The following CACNA2D3 variants were observed in gnomAD, a reference collection of about 807,000 sequenced individuals.
The protein encoded by CACNA2D3 is calcium voltage-gated channel auxiliary subunit alpha2delta 3, also known as voltage-dependent calcium channel subunit alpha-2/delta-3.
Under a neutral mutation model 160.6 loss-of-function variants are expected in CACNA2D3, and 60 were observed. The ratio of observed to expected loss-of-function variants is 0.37; its 90% CI spans 0.30 to 0.46. The LOEUF (loss-of-function observed/expected upper bound fraction) is 0.46. CACNA2D3 is among the 20% of genes least tolerant of loss of function. The pLI, the probability that CACNA2D3 is intolerant of heterozygous loss-of-function variation, is 1.00. For missense variants in CACNA2D3, 1,205 were observed against 1,365.0 expected (o/e 0.88, Z 1.85); for synonymous variants, 558 against 492.9 (o/e 1.13, Z -1.75).
Position 54,626,964 on chromosome 3 carries a change from C to G in CACNA2D3, c.964-823C>G, listed in dbSNP as rs569641692. On this transcript the variant is annotated intron_variant, in intron 9 of 37. Transcript: ENST00000474759. ...TAGCTAATGCTGAGCTTCTGCAGAG[C>G]CAGAAGGGTCTTAGGGCCTACTCTG... Among the ~76,000 whole-genome samples, 3 of 152,308 alleles carry G rather than the reference C, an allele frequency of 2.0e-5. No individual in the cohort carries two copies. In the East Asian group the frequency reaches 5.8e-4, roughly 29 times the overall value.
rs1285106242 is a variant in CACNA2D3 at position 54,518,668 on chromosome 3, G to A, written c.544+15014G>A. 2.0e-5 allele frequency among the ~76,000 whole-genome samples: 3 copies of A among 152,164 alleles called. No homozygotes were observed. In the East Asian group the frequency reaches 5.8e-4, roughly 29 times the overall value. ...TAGAGTTTTGGGTTTCTTTTCCTCT[G>A]TAGCTCATTCTAAGGAGTTCGATGA... is the stretch of plus-strand genomic sequence containing the variant. On this transcript the variant is annotated intron_variant, in intron 5 of 37. Coordinates refer to ENST00000474759, the MANE Select transcript of CACNA2D3 (RefSeq NM_018398.3).
intron 11 of CACNA2D3, among the ~76,000 whole-genome samples, chr3:54,691,017 C>A (rs1406760534): frequency 6.6e-6 from 1 of 151,996 alleles, no homozygotes; most frequent in Non-Finnish European, 1.5e-5. Flanking sequence ...TTTGGTTGAG[C>A]TTTTCTCTGA....
At chr3:54,812,647 C>T (rs1031724694) in intron 13 of CACNA2D3, among the ~76,000 whole-genome samples, 1 of 152,152 alleles carries the variant, frequency 6.6e-6, no homozygotes, top group African/African-American at 2.4e-5. Flanking sequence ...GGGTGATGCC[C>T]AGATGGAATG....
chr3:54,342,804 C>T (rs1030460177), intron 3 of CACNA2D3, among the ~76,000 whole-genome samples: 9 of 152,202 alleles, frequency 5.9e-5, no homozygotes, highest in Non-Finnish European at 1.0e-4. Flanking sequence ...GCAGAGGTGG[C>T]GAGATGCTTC....
chr3:54,191,431 CATCATA>C (rs903841679), intron 2 of CACNA2D3, among the ~76,000 whole-genome samples: 1 of 145,162 alleles, frequency 6.9e-6, no homozygotes, highest in Admixed American at 7.0e-5. Context: ...TCATCATCAT[CATCATA>C]TCTAATTTAG....
At chr3:54,784,492 T>C (rs963175065) in intron 13 of CACNA2D3, among the ~76,000 whole-genome samples, 1 of 152,196 alleles carries the variant, frequency 6.6e-6, no homozygotes, top group African/African-American at 2.4e-5. Flanking sequence ...ATAGTCACTT[T>C]GTCTTATTAA....
chr3:54,945,655 C>T (rs760425700), intron 27 of CACNA2D3, among the ~76,000 whole-genome samples: 20 of 152,190 alleles, frequency 1.3e-4, no homozygotes, highest in Non-Finnish European at 2.2e-4. Context: ...CAAGCTTATC[C>T]AGTGCAGTCA....
chr3:54,772,695 C>T (rs1374804891), intron 13 of CACNA2D3, among the ~76,000 whole-genome samples: 3 of 152,230 alleles, frequency 2.0e-5, no homozygotes, highest in East Asian at 1.9e-4. Flanking sequence ...AAACAGCAAA[C>T]ACCAGAATTC....
chr3:54,143,230 A>G (rs1297827143), intron 2 of CACNA2D3, among the ~76,000 whole-genome samples: 9 of 152,192 alleles, frequency 5.9e-5, no homozygotes, highest in Non-Finnish European at 1.3e-4. Flanking sequence ...CCCTCAACAC[A>G]AATGCTGAGT....
chr3:54,980,651 A>G (rs1383842115), intron 29 of CACNA2D3, among the ~76,000 whole-genome samples: 1 of 152,212 alleles, frequency 6.6e-6, no homozygotes, highest in Non-Finnish European at 1.5e-5. Flanking sequence ...CGAGCCTAGG[A>G]CACCATAAGG....
rs1319244819 is a variant in CACNA2D3 at position 54,347,541 on chromosome 3, AC to A, written c.321+26986del. Among the ~76,000 whole-genome samples, 3 of 152,128 alleles carry A rather than the reference AC, an allele frequency of 2.0e-5. No individual in the cohort carries two copies. The East Asian group carries it at 5.8e-4, about 29-fold the overall frequency. On this transcript the variant is annotated intron_variant, in intron 3 of 37. Coordinates refer to ENST00000474759, the MANE Select transcript of CACNA2D3 (RefSeq NM_018398.3). ...ATTTGATGGATGCCTTGTAATAAACACCCTAAACGCAGAATCTACTTATTTC... is the reference window on the plus strand; with the variant it reads ...ATTTGATGGATGCCTTGTAATAAACACCTAAACGCAGAATCTACTTATTTC...
At chr3:54,454,862 C>T (rs373184681) in intron 4 of CACNA2D3, among the ~76,000 whole-genome samples, 2 of 152,040 alleles carry the variant, frequency 1.3e-5, no homozygotes, top group East Asian at 1.9e-4. Context: ...CTTTCTGTGC[C>T]TGGCTTATTT....
intron 3 of CACNA2D3, among the ~76,000 whole-genome samples, chr3:54,382,272 T>C (rs1467432130): frequency 1.3e-5 from 2 of 152,224 alleles, no homozygotes; most frequent in Non-Finnish European, 2.9e-5. Context: ...CAGTTTCTTA[T>C]ATAATAACTA....
At chr3:54,564,346 C>G (rs1702375668) in intron 6 of CACNA2D3, among the ~76,000 whole-genome samples, 1 of 152,184 alleles carries the variant, frequency 6.6e-6, no homozygotes, top group Non-Finnish European at 1.5e-5. Context: ...TCAGTCAGAA[C>G]AATTGGTTCA....
chr3:54,733,009 G>T lies in CACNA2D3; in HGVS notation c.1168-19590G>T, dbSNP rs374972420. ...ACTTCTAAAGTGGGAACTCACTGGGGACCATCCCCACAGGTTCTCCCACGG... is the reference window on the plus strand; with the variant it reads ...ACTTCTAAAGTGGGAACTCACTGGGTACCATCCCCACAGGTTCTCCCACGG... On this transcript the variant is annotated intron_variant, in intron 11 of 37. Coordinates refer to ENST00000474759, the MANE Select transcript of CACNA2D3 (RefSeq NM_018398.3). 2.2e-4 allele frequency among the ~76,000 whole-genome samples: 34 copies of T among 152,338 alleles called. 1 individual carries two copies. The East Asian group carries it at 5.0e-3, about 22-fold the overall frequency.
chr3:54,864,785 G>C (rs1699364118), intron 17 of CACNA2D3, among the ~76,000 whole-genome samples: 1 of 152,164 alleles, frequency 6.6e-6, no homozygotes. Flanking sequence ...AGCACCTCAG[G>C]TGAGGCAGTG....
chr3:54,720,559 A>T (rs1446013122), intron 11 of CACNA2D3, among the ~76,000 whole-genome samples: 1 of 152,122 alleles, frequency 6.6e-6, no homozygotes, highest in Non-Finnish European at 1.5e-5. Context: ...TTGTAAAAAA[A>T]AATGCATTCA....
At chr3:54,463,561 C>T (rs374682552) in intron 4 of CACNA2D3, among the ~76,000 whole-genome samples, 46 of 152,130 alleles carry the variant, frequency 3.0e-4, no homozygotes, top group East Asian at 2.1e-3. Flanking sequence ...TCCAGTTGAT[C>T]GCATCGGCTC....
At chr3:54,379,096 G>A (rs1384435525) in intron 3 of CACNA2D3, among the ~76,000 whole-genome samples, 2 of 152,214 alleles carry the variant, frequency 1.3e-5, no homozygotes, top group Admixed American at 1.3e-4. Flanking sequence ...AAGGGGAGGA[G>A]TGAAGGAAGG....
Sources: gnomAD v4.1 joint callset for allele counts (sites outside exome capture counted in the v4.1 genomes callset) on GRCh38, gnomAD v4.1.1 for gene constraint, MANE v1.5 for transcripts, NCBI Gene and HGNC (gene_info 2026-07-23, HGNC 2026-07-21) for gene names.